Variants in TF observed in about 807,000 individuals in gnomAD.
The protein encoded by TF is transferrin.
TF carries 55 observed loss-of-function variants against 82.4 expected under a neutral mutation model. The ratio of observed to expected loss-of-function variants is 0.67; its 90% CI spans 0.54 to 0.84. The LOEUF (loss-of-function observed/expected upper bound fraction) is 0.84. Among genes scored for constraint, TF ranks in the 40% least tolerant of loss-of-function variants. TF has a pLI of 0.00. For synonymous variants in TF, 332 were observed against 332.6 expected (o/e 1.00, Z 0.02); for missense variants, 737 against 868.4 (o/e 0.85, Z 1.90).
Position 133,756,915 on chromosome 3 carries a change from A to G in TF, c.776A>G (p.Asp259Gly). 1 of 1,614,196 alleles carries G rather than the reference A, an allele frequency of 6.2e-7. No individual in the cohort carries two copies. The highest frequency in any genetic ancestry group is 1.1e-5 in the South Asian group (1 of 91,084). ...NTRKPVDEYKDCHLAQVPSHT... is the reference protein window; with the variant it reads ...NTRKPVDEYKGCHLAQVPSHT... ...CGGAAGCCGGTAGATGAATACAAGG[A>G]CTGCCACTTGGCCCAGGTCCCTTCT... The change falls in exon 7 of 17, where the codon GAC becomes GGC. Residue 259 changes from aspartate to glycine, a missense_variant. Transcript: ENST00000402696.
intron 3 of TF, 93 bp from the exon 4 acceptor site, chr3:133,754,402 T>C: frequency 7.4e-7 from 1 of 1,347,606 alleles, no homozygotes; most frequent in South Asian, 1.2e-5. Flanking sequence ...GCATGGCCTC[T>C]CCGCTCCCCT....
rs768417235 is a variant in TF, at chr3:133,759,369, T to C, written c.1203+40T>C. ...CCTTCCTAGGGCAGCGTCCCTGTCA[T>C]TGCTGCCTGCTGGCCCCCAAGACTG... On this transcript the variant is annotated intron_variant, in intron 9 of 16. Transcript: ENST00000402696. The C allele has an allele frequency of 2.6e-5, 42 of 1,610,186 alleles. No individual in the cohort carries two copies. The East Asian group carries it at 8.7e-4, about 33-fold the overall frequency.
chr3:133,756,396 T>G (rs1933831319), intron 6 of TF, 59 bp downstream of exon 6: 1 of 1,550,366 alleles, frequency 6.5e-7, no homozygotes, highest in Non-Finnish European at 8.9e-7. Flanking sequence ...TCTTTTTCTG[T>G]GTTCCCTTTT....
Position 133,789,878 on chromosome 3 carries a change from CGTTTTTT to C in TF, c.*11259_*11265del, listed in dbSNP as rs1934785485. The C allele has an allele frequency of 1.9e-5, 1 of 52,406 alleles. No homozygotes were observed. The highest frequency in any genetic ancestry group is 3.3e-5 in the Non-Finnish European group (1 of 30,040). The allele number at this position is 52,406 out of a possible 1,614,324, so 3.2% of individuals were successfully genotyped here. A position where few individuals can be genotyped will look rare whatever the true frequency, so the allele number is the denominator to read the frequency against. ...AGCCAAAACAAAACGATCTCGTTTG[CGTTTTTT>C]TTTTTTTTTTTTTTTTTTTTTTTGA... On this transcript the variant is annotated 3_prime_UTR_variant, in exon 17 of 17. Transcript: ENST00000402696.
At chr3:133,677,861 A>C in the TF span, among the ~76,000 whole-genome samples, 1 of 151,804 alleles carries the variant, frequency 6.6e-6, no homozygotes, top group Admixed American at 6.6e-5. Flanking sequence ...TTTAAAAAAA[A>C]AATTTTTTTA....
the TF span, among the ~76,000 whole-genome samples, chr3:133,705,423 G>T: frequency 6.6e-6 from 1 of 152,206 alleles, no homozygotes; most frequent in Non-Finnish European, 1.5e-5. Context: ...AGGGAAGAAA[G>T]ATATCAGGAT....
At chr3:133,663,601 C>T in the TF span, among the ~76,000 whole-genome samples, 1 of 152,158 alleles carries the variant, frequency 6.6e-6, no homozygotes, top group South Asian at 2.1e-4. Context: ...CACACTATTC[C>T]CGTTTACTCT....
In TF at chr3:133,759,544, G is replaced by A. The variant is rs41295782; in HGVS notation, c.1203+215G>A. Among the ~76,000 whole-genome samples the A allele has an allele frequency of 5.1e-3, 778 of 152,322 alleles. 4 individuals carry two copies. The highest frequency in any genetic ancestry group is 0.018 in the African/African-American group (746 of 41,570). ...AGGGCTCAGTTTCCTCCTTGTATGA[G>A]TGTATGGTGAAAGGGCAGGCTGAGC... On this transcript the variant is annotated intron_variant, in intron 9 of 16. Transcript: ENST00000402696.
chr3:133,784,599 TTAAG>T lies in TF; in HGVS notation c.*5981_*5984del, dbSNP rs1412244933. 3.3e-5 allele frequency: 5 copies of T among 152,056 alleles called. No individual in the cohort carries two copies. Among genetic ancestry groups the T allele is most frequent in the Admixed American group, 3.3e-4 (5 of 15,260 alleles). 9.4% of individuals were successfully genotyped at this position (152,056 alleles called of 1,614,324 possible). The stretch of plus-strand genomic sequence containing the variant: ...AGCAGGAGCCACACATCCACGTTTA[TTAAG>T]TGAGTTAGAGCAGGAGTCCCCAACC... On this transcript the variant is annotated 3_prime_UTR_variant, in exon 17 of 17. Transcript: ENST00000402696.
chr3:133,756,153 G>T lies in TF; in HGVS notation c.636-129G>T. 3.5e-6 allele frequency: 3 copies of T among 850,542 alleles called. No individual in the cohort carries two copies. The South Asian group carries it at 4.5e-5, about 13-fold the overall frequency. The allele number at this position is 850,542 out of a possible 1,614,324, so 52.7% of individuals were successfully genotyped here. On this transcript the variant is annotated intron_variant, in intron 5 of 16. Transcript: ENST00000402696. ...ACGCTGGAGGTCTGCACACCATGGT[G>T]TTGCTTCAGCTACGGGGCTGCACCA...
At chr3:133,696,416 G>A in the TF span, among the ~76,000 whole-genome samples, 1 of 152,138 alleles carries the variant, frequency 6.6e-6, no homozygotes, top group African/African-American at 2.4e-5. Context: ...TTAGGGTTTG[G>A]TACTATCCGT....
intron 8 of TF, 83 bp from the exon 9 acceptor site, chr3:133,759,092 G>A (rs1933913954): frequency 1.3e-6 from 2 of 1,562,938 alleles, no homozygotes; most frequent in Non-Finnish European, 1.8e-6. Context: ...CCCAGCATTT[G>A]CATGAAGACA....
chr3:133,770,447 A>C, intron 13 of TF, 61 bp from the exon 14 acceptor site: 2 of 1,516,070 alleles, frequency 1.3e-6, no homozygotes, highest in Non-Finnish European at 1.8e-6. Context: ...TAGCCCCCTG[A>C]ATGACAGATA....
At chr3:133,692,426 G>A in the TF span, among the ~76,000 whole-genome samples, 2 of 152,276 alleles carry the variant, frequency 1.3e-5, no homozygotes, top group Non-Finnish European at 2.9e-5. Flanking sequence ...GGGAAAGGGG[G>A]AAAAGGAGAA....
the TF span, among the ~76,000 whole-genome samples, chr3:133,717,288 T>G: frequency 2.0e-5 from 3 of 152,176 alleles, no homozygotes; most frequent in African/African-American, 4.8e-5. Context: ...GGCTGATACC[T>G]GAGCCTAGGA....
At chr3:133,698,476 T>C in the TF span, among the ~76,000 whole-genome samples, 4 of 152,206 alleles carry the variant, frequency 2.6e-5, no homozygotes, top group Admixed American at 1.3e-4. Flanking sequence ...GGTTGGGTCC[T>C]CCTGAGAGCT....
the TF span, among the ~76,000 whole-genome samples, chr3:133,734,032 G>T: frequency 6.6e-6 from 1 of 152,206 alleles, no homozygotes; most frequent in South Asian, 2.1e-4. Context: ...AGCACACTGG[G>T]ACTGCGGTTT....
At chr3:133,738,279 C>A in the TF span, among the ~76,000 whole-genome samples, 1 of 152,182 alleles carries the variant, frequency 6.6e-6, no homozygotes, top group African/African-American at 2.4e-5. Context: ...ATGCTAAAAA[C>A]TCGCAATAAA....
At chr3:133,690,710 T>C in the TF span, among the ~76,000 whole-genome samples, 4 of 152,166 alleles carry the variant, frequency 2.6e-5, no homozygotes, top group Admixed American at 2.6e-4. Flanking sequence ...TGTTGTCTTT[T>C]TGCATCTGTT....
Sources: gnomAD v4.1 joint callset for allele counts (sites outside exome capture counted in the v4.1 genomes callset) on GRCh38, gnomAD v4.1.1 for gene constraint, MANE v1.5 for transcripts, NCBI Gene and HGNC (gene_info 2026-07-23, HGNC 2026-07-21) for gene names.